Variants in ACBD3 observed in about 807,000 individuals in gnomAD.
The protein encoded by ACBD3 is acyl-CoA binding domain containing 3.
In ACBD3, 30 loss-of-function variants were observed where a neutral mutation model predicts 66.9. The ratio of observed to expected loss-of-function variants is 0.45; its 90% confidence interval spans 0.34 to 0.61. The LOEUF (loss-of-function observed/expected upper bound fraction) is 0.61, where lower values mean the gene tolerates loss of function less well. Ranked by LOEUF, ACBD3 falls within the 20% of genes least tolerant of loss-of-function variation. The pLI is 0.02. For missense variants in ACBD3, 544 were observed against 664.5 expected (o/e 0.82, Z 1.99); for synonymous variants, 278 against 259.8 (o/e 1.07, Z -0.68).
rs374306929 is a variant in ACBD3, at chr1:226,173,395, G to C, written c.287-7395C>G. On this transcript the variant is annotated intron_variant, in intron 1 of 7. Transcript: ENST00000366812. ...AATTTTCAGTAAGCATATGTACTTT[G>C]TAATCAAACACACATACACATTATC... Among the ~76,000 whole-genome samples, 10 of 152,034 alleles carry C rather than the reference G, an allele frequency of 6.6e-5. No homozygotes were observed. In the East Asian group the frequency reaches 1.5e-3, roughly 23 times the overall value.
In ACBD3 at chr1:226,159,281, T is replaced by C. The variant is rs1396176431; in HGVS notation, c.806A>G (p.Asn269Ser). Residue 269 changes from asparagine to serine, a missense_variant, in exon 5 of 8, where the codon AAC (asparagine) becomes AGC (serine). Asn to Ser is a conservative substitution (Grantham distance 46). This residue lies in a region of ACBD3 where 383 missense variants were observed against 462.4 expected (regional missense o/e 0.83). Coordinates refer to ENST00000366812, the MANE Select transcript of ACBD3 (RefSeq NM_022735.4). The part of the protein sequence containing the change: ...QQYAAQQYPG[N>S]YEQQQILIRQ... ...GATGAGAATTTGCTGCTGTTCGTAG[T>C]TCCCTGGATACTGTTGGGCTGCATA... The C allele has an allele frequency of 6.2e-7, 1 of 1,614,192 alleles. No homozygotes were observed. The highest frequency in any genetic ancestry group is 2.2e-5 in the East Asian group (1 of 44,886).
chr1:226,179,899 G>A (rs1239510933), intron 1 of ACBD3, among the ~76,000 whole-genome samples: 1 of 151,940 alleles, frequency 6.6e-6, no homozygotes, highest in African/African-American at 2.4e-5. Flanking sequence ...CCAACTAGGT[G>A]CAGCAGCTCA....
chr1:226,154,082 C>T (rs1366438930), intron 6 of ACBD3, among the ~76,000 whole-genome samples: 1 of 152,230 alleles, frequency 6.6e-6, no homozygotes, highest in Non-Finnish European at 1.5e-5. Context: ...AACATCTTGA[C>T]TGCAATCTCA....
intron 1 of ACBD3, among the ~76,000 whole-genome samples, chr1:226,186,141 C>G (rs1656296811): frequency 6.6e-6 from 1 of 152,236 alleles, no homozygotes; most frequent in Non-Finnish European, 1.5e-5. Context: ...GGTAAAATGT[C>G]CCGGTAACCT....
chr1:226,146,577 C>T lies in ACBD3; in HGVS notation c.*33G>A, dbSNP rs1298292627. ...TCCAAATTAAATGTCATCTTCTGCCCAACCCTAGACTCCAGACTTTGTAAC... is the reference window on the plus strand; with the variant it reads ...TCCAAATTAAATGTCATCTTCTGCCTAACCCTAGACTCCAGACTTTGTAAC... On this transcript the variant is annotated 3_prime_UTR_variant, in exon 8 of 8. Coordinates refer to ENST00000366812, the MANE Select transcript of ACBD3 (RefSeq NM_022735.4). 1.3e-6 allele frequency: 2 copies of T among 1,576,324 alleles called. No individual in the cohort carries two copies. Among genetic ancestry groups the T allele is most frequent in the Admixed American group, 1.7e-5 (1 of 58,542 alleles).
At chr1:226,181,923 T>C (rs990652439) in intron 1 of ACBD3, among the ~76,000 whole-genome samples, 2 of 152,148 alleles carry the variant, frequency 1.3e-5, no homozygotes, top group Admixed American at 6.5e-5. Context: ...TAGCTTAACA[T>C]TGTTAAAATA....
At chr1:226,162,688 A>G (rs145296465) in intron 3 of ACBD3, among the ~76,000 whole-genome samples, 1 of 152,112 alleles carries the variant, frequency 6.6e-6, no homozygotes, top group African/African-American at 2.4e-5. Context: ...TCATAAACCT[A>G]CCACGAGAAT....
At chr1:226,184,471 T>C (rs1354546107) in intron 1 of ACBD3, among the ~76,000 whole-genome samples, 6 of 152,152 alleles carry the variant, frequency 3.9e-5, no homozygotes, top group African/African-American at 1.4e-4. Context: ...CCCCAAGTTA[T>C]AAGTTTCCCC....
At position 226,152,589 on chromosome 1, in the gene ACBD3, A is replaced by T. The variant is rs1166200989; in HGVS notation, c.1121T>A (p.Met374Lys). 6.2e-7 allele frequency: 1 copy of T among 1,614,156 alleles called. No homozygotes were observed. The highest frequency in any genetic ancestry group is 8.5e-7 in the Non-Finnish European group (1 of 1,180,034). Reference protein sequence around the residue: ...ESLPVIAAPSMWTRPQIKDFK... With the variant: ...ESLPVIAAPSKWTRPQIKDFK... ...GTCTTTGATCTGAGGTCGTGTCCAC[A>T]TGGATGGAGCTGCTATTACTGGAAG... The change falls in exon 7 of 8, where the codon ATG (methionine) becomes AAG (lysine). Residue 374 changes from methionine (M) to lysine (K), a missense_variant. By Grantham distance (95) the Met-to-Lys change is moderately conservative. Around this residue, in one of 3 missense-constraint regions of ACBD3, gnomAD observed 383 missense variants for 462.4 expected, o/e 0.83. Transcript: ENST00000366812.
chr1:226,174,141 A>G (rs531463640), intron 1 of ACBD3, among the ~76,000 whole-genome samples: 3 of 152,264 alleles, frequency 2.0e-5, no homozygotes, highest in East Asian at 1.9e-4. Context: ...AGTACCACTA[A>G]CTGCACAGAC....
chr1:226,151,628 GAAT>G (rs1314148412), intron 7 of ACBD3, among the ~76,000 whole-genome samples: 2 of 152,106 alleles, frequency 1.3e-5, no homozygotes, highest in East Asian at 3.8e-4. Context: ...AAAAATTTTA[GAAT>G]AATGACCTAA....
rs1355272613 is a variant in ACBD3, at chr1:226,173,337, TTTTA to T, written c.287-7341_287-7338del. Among the ~76,000 whole-genome samples the T allele has an allele frequency of 3.3e-5, 5 of 152,276 alleles. No individual in the cohort carries two copies. The East Asian group carries it at 9.6e-4, about 29-fold the overall frequency. The stretch of plus-strand genomic sequence containing the variant: ...TTTGAAAGACTGTATTACAAATTAA[TTTTA>T]TTTTATTTATTCATTTTTTATTTCC... On this transcript the variant is annotated intron_variant, in intron 1 of 7. Coordinates refer to ENST00000366812, the MANE Select transcript of ACBD3 (RefSeq NM_022735.4).
At chr1:226,153,437 CCTTA>C (rs1225571258) in intron 6 of ACBD3, among the ~76,000 whole-genome samples, 1 of 152,208 alleles carries the variant, frequency 6.6e-6, no homozygotes. Flanking sequence ...TCCTCTTCCT[CCTTA>C]CTTAGTTAAC....
At chr1:226,185,820 G>A (rs981963613) in intron 1 of ACBD3, among the ~76,000 whole-genome samples, 2 of 151,990 alleles carry the variant, frequency 1.3e-5, no homozygotes, top group Non-Finnish European at 2.9e-5. Context: ...TTGACAAGCC[G>A]GAGAGGATGA....
chr1:226,158,901 C>T (rs1158766021), intron 5 of ACBD3, among the ~76,000 whole-genome samples: 1 of 152,194 alleles, frequency 6.6e-6, no homozygotes, highest in Non-Finnish European at 1.5e-5. Flanking sequence ...GTTCCAGGAC[C>T]ACTATTAGGG....
At chr1:226,180,648 T>C (rs1192200132) in intron 1 of ACBD3, among the ~76,000 whole-genome samples, 1 of 152,178 alleles carries the variant, frequency 6.6e-6, no homozygotes, top group Non-Finnish European at 1.5e-5. Context: ...TGTACTTTAG[T>C]GCACTGCATG....
intron 1 of ACBD3, among the ~76,000 whole-genome samples, chr1:226,176,146 G>A (rs547927973): frequency 2.2e-4 from 34 of 152,288 alleles, no homozygotes; most frequent in African/African-American, 7.2e-4. Flanking sequence ...AAAAGCTTGC[G>A]GCTGGGCGTG....
chr1:226,182,764 C>T (rs1576243424), intron 1 of ACBD3, among the ~76,000 whole-genome samples: 1 of 152,170 alleles, frequency 6.6e-6, no homozygotes, highest in Non-Finnish European at 1.5e-5. Flanking sequence ...TGGCCTTCCC[C>T]CCTCTGGAAT....
At position 226,145,516 on chromosome 1, in the gene ACBD3, T is replaced by A. The variant is rs1402173057; in HGVS notation, c.*1094A>T. On this transcript the variant is annotated 3_prime_UTR_variant, in exon 8 of 8. Coordinates refer to ENST00000366812, the MANE Select transcript of ACBD3 (RefSeq NM_022735.4). ...TGTTTTCAGTAAGGAAAAAAAGATGTACCTCTTCCCGTCAATAAAGAAATA... is the reference window on the plus strand; with the variant it reads ...TGTTTTCAGTAAGGAAAAAAAGATGAACCTCTTCCCGTCAATAAAGAAATA... 6.6e-6 allele frequency: 1 copy of A among 152,620 alleles called. No individual in the cohort carries two copies. Among genetic ancestry groups the A allele is most frequent in the Non-Finnish European group, 1.5e-5 (1 of 68,022 alleles). 9.5% of individuals were successfully genotyped at this position (152,620 alleles called of 1,614,324 possible).
Sources: gnomAD v4.1 joint callset for allele counts (sites outside exome capture counted in the v4.1 genomes callset) on GRCh38, gnomAD v4.1.1 for gene constraint, gnomAD v4.1.1 regional missense constraint, MANE v1.5 for transcripts, NCBI Gene and HGNC (gene_info 2026-07-23, HGNC 2026-07-21) for gene names.